Variants in SDCCAG8 observed in about 807,000 individuals in gnomAD.
The protein encoded by SDCCAG8 is serologically defined colon cancer antigen 8.
A neutral mutation model predicts 101.8 loss-of-function variants in SDCCAG8; 74 were observed. The ratio of observed to expected loss-of-function variants is 0.73; its 90% CI spans 0.60 to 0.88. The LOEUF (loss-of-function observed/expected upper bound fraction) is 0.88, where lower values mean the gene tolerates loss of function less well. Among genes scored for constraint, SDCCAG8 ranks in the 40% least tolerant of loss-of-function variants. The pLI is 0.00. For missense variants in SDCCAG8, 787 were observed against 822.6 expected, an observed-to-expected ratio of 0.96 and a Z score of 0.53; for synonymous variants, 281 against 292.9, an observed-to-expected ratio of 0.96 and a Z score of 0.41.
Position 243,301,234 on chromosome 1 carries a change from A to G in SDCCAG8, c.676-3479A>G, listed in dbSNP as rs1050946715. Reference sequence around the variant, plus strand: ...AATTTCATAACCACCTCCTATTGCTATTGTGGTGAGTTCAAGTGTTTTGAG... The same window carrying G: ...AATTTCATAACCACCTCCTATTGCTGTTGTGGTGAGTTCAAGTGTTTTGAG... On this transcript the variant is annotated intron_variant, in intron 6 of 17. Transcript: ENST00000366541. Among the ~76,000 whole-genome samples the G allele has an allele frequency of 2.6e-5, 4 of 152,158 alleles. No individual in the cohort carries two copies. In the East Asian group the frequency reaches 5.8e-4, roughly 22 times the overall value.
chr1:243,377,342 C>A (rs917226944), intron 12 of SDCCAG8, among the ~76,000 whole-genome samples: 2 of 151,724 alleles, frequency 1.3e-5, no homozygotes, highest in African/African-American at 4.8e-5. Context: ...ATTTTTATCT[C>A]TTTAATTATA....
chr1:243,359,691 T>C (rs951695488), intron 12 of SDCCAG8, among the ~76,000 whole-genome samples: 1 of 152,200 alleles, frequency 6.6e-6, no homozygotes, highest in Admixed American at 6.5e-5. Flanking sequence ...TACCCTTCAT[T>C]GTGTGTCCGG....
chr1:243,277,490 G>C (rs1053649819), intron 4 of SDCCAG8, among the ~76,000 whole-genome samples: 1 of 152,170 alleles, frequency 6.6e-6, no homozygotes, highest in Non-Finnish European at 1.5e-5. Flanking sequence ...TTAAAATCAG[G>C]TTATTCGTTT....
intron 16 of SDCCAG8, among the ~76,000 whole-genome samples, chr1:243,452,699 T>G (rs2997495): frequency 0.042 from 6,450 of 152,212 alleles, 494 homozygotes; most frequent in African/African-American, 0.15. Context: ...AGTGCTGGGA[T>G]TATAGGTGTG....
At chr1:243,378,449 CTT>C (rs971651426) in intron 12 of SDCCAG8, among the ~76,000 whole-genome samples, 11 of 152,108 alleles carry the variant, frequency 7.2e-5, no homozygotes, top group African/African-American at 2.4e-4. Context: ...GGGAACGACT[CTT>C]AGAATGAAAG....
At chr1:243,491,743 G>A (rs552003337) in intron 17 of SDCCAG8, among the ~76,000 whole-genome samples, 30 of 152,294 alleles carry the variant, frequency 2.0e-4, no homozygotes, top group African/African-American at 6.5e-4. Context: ...ATGCGGTGCC[G>A]CCTGAGGGCT....
intron 12 of SDCCAG8, among the ~76,000 whole-genome samples, chr1:243,344,784 A>C (rs537608620): frequency 6.6e-6 from 1 of 152,232 alleles, no homozygotes; most frequent in South Asian, 2.1e-4. Flanking sequence ...TTTAACTAAG[A>C]TAACCATGAA....
At chr1:243,386,479 A>G (rs1404542155) in intron 13 of SDCCAG8, among the ~76,000 whole-genome samples, 1 of 152,108 alleles carries the variant, frequency 6.6e-6, no homozygotes, top group African/African-American at 2.4e-5. Context: ...AGGCAGGCAG[A>G]TCGCGAGAGG....
intron 16 of SDCCAG8, chr1:243,476,185 C>A: frequency 1.0e-6 from 1 of 985,478 alleles, no homozygotes; most frequent in Non-Finnish European, 1.2e-6. Flanking sequence ...TGGTCGCCTT[C>A]AGTTACCGTG....
intron 12 of SDCCAG8, among the ~76,000 whole-genome samples, chr1:243,361,351 T>G (rs554041319): frequency 6.6e-6 from 1 of 152,358 alleles, no homozygotes; most frequent in Admixed American, 6.5e-5. Flanking sequence ...CATATCTTAC[T>G]CATTTGTTTA....
chr1:243,317,319 ATTTTTTT>A (rs34669151), intron 9 of SDCCAG8, among the ~76,000 whole-genome samples: 26 of 133,566 alleles, frequency 1.9e-4, no homozygotes, highest in Non-Finnish European at 3.0e-4. Flanking sequence ...ATTTAGTAGC[ATTTTTTT>A]TTTTTTTTTT....
rs1266183689 is a variant in SDCCAG8 at position 243,495,065 on chromosome 1, G to A, written c.2113-4691G>A. ...TCATATAAAACACAGACCTGCCTGT[G>A]TGTAGAGGAAGTTCTCATGACTCAG... On this transcript the variant is annotated intron_variant, in intron 17 of 17. Coordinates refer to ENST00000366541, the MANE Select transcript of SDCCAG8 (RefSeq NM_006642.5). Among the ~76,000 whole-genome samples the A allele has an allele frequency of 2.0e-5, 3 of 152,228 alleles. No individual in the cohort carries two copies. In the East Asian group the frequency reaches 5.8e-4, roughly 29 times the overall value.
At chr1:243,369,269 G>A (rs2077157327) in intron 12 of SDCCAG8, among the ~76,000 whole-genome samples, 1 of 152,082 alleles carries the variant, frequency 6.6e-6, no homozygotes, top group Admixed American at 6.6e-5. Flanking sequence ...GGCAATGTTT[G>A]TGCTTTGTAT....
intron 12 of SDCCAG8, among the ~76,000 whole-genome samples, chr1:243,362,181 C>T (rs2076757971): frequency 1.3e-5 from 2 of 151,424 alleles, no homozygotes; most frequent in African/African-American, 4.9e-5. Flanking sequence ...CAAGAGATGG[C>T]CAAGTGACTG....
At chr1:243,444,395 G>T (rs544848161) in intron 16 of SDCCAG8, among the ~76,000 whole-genome samples, 1 of 150,346 alleles carries the variant, frequency 6.7e-6, no homozygotes, top group African/African-American at 2.4e-5. Flanking sequence ...TTTTTGGGAT[G>T]GAGTCTCGCT....
rs397860448 is a variant in SDCCAG8, at chr1:243,360,144, C to CT, written c.1473+15832dup. Among the ~76,000 whole-genome samples, 424 of 112,826 alleles carry CT rather than the reference C, an allele frequency of 3.8e-3. 6 individuals are homozygous for CT. Among genetic ancestry groups the CT allele is most frequent in the East Asian group, 5.3e-3 (23 of 4,310 alleles). 74.0% of individuals were successfully genotyped at this position (112,826 alleles called of 152,430 possible). On this transcript the variant is annotated intron_variant, in intron 12 of 17. Transcript: ENST00000366541. ...TTCAGCTGTGTTATTGCAACAGTCTCTTTTTTTTTTTTTTTTTTTGAGATG... is the reference window on the plus strand; with the variant it reads ...TTCAGCTGTGTTATTGCAACAGTCTCTTTTTTTTTTTTTTTTTTTTGAGATG...
intron 6 of SDCCAG8, among the ~76,000 whole-genome samples, chr1:243,293,737 G>A (rs1396422755): frequency 6.6e-6 from 1 of 152,158 alleles, no homozygotes; most frequent in East Asian, 1.9e-4. Flanking sequence ...TAATTATGCT[G>A]TGAACATTGG....
At chr1:243,271,348 AT>A (rs1233132782) in intron 3 of SDCCAG8, among the ~76,000 whole-genome samples, 2 of 148,612 alleles carry the variant, frequency 1.3e-5, no homozygotes, top group African/African-American at 4.9e-5. Context: ...TAAATATATA[AT>A]ATATAATAAA....
chr1:243,403,176 A>T (rs2079522641), intron 13 of SDCCAG8, among the ~76,000 whole-genome samples: 1 of 152,178 alleles, frequency 6.6e-6, no homozygotes, highest in African/African-American at 2.4e-5. Flanking sequence ...TTTATTAATG[A>T]GAAAACAGAG....
Sources: allele counts gnomAD v4.1 joint callset (sites outside exome capture counted in the v4.1 genomes callset), GRCh38; gene constraint gnomAD v4.1.1; transcripts MANE v1.5; gene names NCBI Gene and HGNC (gene_info 2026-07-23, HGNC 2026-07-21).